The following PRKN variants were observed in gnomAD, a reference collection of about 807,000 sequenced individuals.
PRKN encodes the protein E3 ubiquitin-protein ligase parkin.
PRKN carries 56 observed loss-of-function variants against 59.5 expected under a neutral mutation model. The ratio of observed to expected loss-of-function variants is 0.94; its 90% CI spans 0.76 to 1.18. PRKN has a LOEUF of 1.18. Among genes scored for constraint, PRKN ranks in the 50% most tolerant of loss-of-function variants. The probability of loss-of-function intolerance (pLI) is 0.00; values close to 1 mark genes in which losing one functional copy is unlikely to be tolerated. For missense variants in PRKN, 657 were observed against 596.4 expected, an observed-to-expected ratio of 1.10 and a Z score of -1.06; for synonymous variants, 250 against 222.1, an observed-to-expected ratio of 1.13 and a Z score of -1.12.
chr6:162,504,465 A>G (rs1055084037), intron 1 of PRKN, among the ~76,000 whole-genome samples: 2 of 152,210 alleles, frequency 1.3e-5, no homozygotes, highest in African/African-American at 4.8e-5. Context: ...ACATACTGGC[A>G]TAGGGAACAG....
intron 6 of PRKN, among the ~76,000 whole-genome samples, chr6:161,825,340 C>T (rs1401334764): frequency 1.4e-5 from 2 of 137,956 alleles, no homozygotes; most frequent in East Asian, 4.0e-4. Flanking sequence ...AATACTTTTG[C>T]ATTCTGTTTC....
At chr6:162,616,267 G>C (rs905680467) in intron 1 of PRKN, among the ~76,000 whole-genome samples, 2 of 152,100 alleles carry the variant, frequency 1.3e-5, no homozygotes, top group African/African-American at 4.8e-5. Flanking sequence ...TTGCTTGATA[G>C]TAAGCCCGCT....
At chr6:162,236,021 G>GAAAGAAAGAAAGAAAC (rs1287554689) in intron 3 of PRKN, among the ~76,000 whole-genome samples, 1 of 148,604 alleles carries the variant, frequency 6.7e-6, no homozygotes, top group Non-Finnish European at 1.5e-5. Context: ...AAGAAAGAAA[G>GAAAGAAAGAAAGAAAC]AAACTCCTCA....
rs1318713484 is a variant in PRKN at position 161,785,821 on chromosome 6, A to G, written c.822T>C (p.Asp274=). The G allele has an allele frequency of 6.2e-7, 1 of 1,614,156 alleles. No individual in the cohort carries two copies. Among genetic ancestry groups the G allele is most frequent in the East Asian group, 2.2e-5 (1 of 44,880 alleles). The change falls in exon 7 of 12, where the codon GAT becomes GAC. Residue 274 remains aspartate (D), a synonymous_variant. Transcript: ENST00000366898. ...FHLYCVTRLN[D]RQFVHDPQLG... ...GTTGAGGGTCGTGAACAAACTGCCG[A>G]TCATTGAGTCTTGTCACACAGTATA...
intron 1 of PRKN, among the ~76,000 whole-genome samples, chr6:162,607,544 T>C (rs1381827766): frequency 7.0e-6 from 1 of 142,430 alleles, no homozygotes; most frequent in Non-Finnish European, 1.6e-5. Context: ...TTAAATGAGT[T>C]TTTTTTTTTA....
rs531804068 is a variant in PRKN at position 162,278,237 on chromosome 6, G to A, written c.172-15472C>T. On this transcript the variant is annotated intron_variant, in intron 2 of 11. Coordinates refer to ENST00000366898, the MANE Select transcript of PRKN (RefSeq NM_004562.3). ...TGTATTATACGACATTCGGAAAAAGGCAACACTATAGAGACATTGAAAATA... is the reference window on the plus strand; with the variant it reads ...TGTATTATACGACATTCGGAAAAAGACAACACTATAGAGACATTGAAAATA... 1.4e-4 allele frequency among the ~76,000 whole-genome samples: 21 copies of A among 152,210 alleles called. No individual in the cohort carries two copies. In the South Asian group the frequency reaches 2.5e-3, roughly 18 times the overall value.
At chr6:161,542,350 G>A (rs1250861699) in intron 9 of PRKN, among the ~76,000 whole-genome samples, 1 of 152,194 alleles carries the variant, frequency 6.6e-6, no homozygotes, top group Non-Finnish European at 1.5e-5. Flanking sequence ...ACTCCCCGTA[G>A]CTCATCAAAG....
chr6:162,051,760 G>T (rs1302979531), intron 5 of PRKN, among the ~76,000 whole-genome samples: 1 of 152,130 alleles, frequency 6.6e-6, no homozygotes, highest in East Asian at 1.9e-4. Context: ...CATGATCAAA[G>T]AACGCAGCCT....
chr6:162,011,907 T>TACTCC (rs1554260882), intron 5 of PRKN, among the ~76,000 whole-genome samples: 1 of 6,890 alleles, frequency 1.5e-4, no homozygotes, highest in African/African-American at 9.8e-3. Flanking sequence ...GTGAGAACTT[T>TACTCC]GGAGAAATAA....
At chr6:161,928,653 T>C (rs1282881606) in intron 6 of PRKN, among the ~76,000 whole-genome samples, 1 of 152,180 alleles carries the variant, frequency 6.6e-6, no homozygotes, top group Non-Finnish European at 1.5e-5. Context: ...TAGTATAGTA[T>C]CTTACACATT....
At chr6:162,295,152 C>A (rs1363724093) in intron 2 of PRKN, among the ~76,000 whole-genome samples, 1 of 152,192 alleles carries the variant, frequency 6.6e-6, no homozygotes, top group Non-Finnish European at 1.5e-5. Flanking sequence ...GGTGCTGGGG[C>A]TTGTGCGTGA....
chr6:162,340,538 T>G (rs895161258), intron 2 of PRKN, among the ~76,000 whole-genome samples: 8 of 152,050 alleles, frequency 5.3e-5, no homozygotes, highest in African/African-American at 1.9e-4. Flanking sequence ...TTGTAAAAAA[T>G]CTCCTGGTGT....
intron 4 of PRKN, among the ~76,000 whole-genome samples, chr6:162,059,053 CAA>C (rs1777988778): frequency 6.6e-6 from 1 of 151,278 alleles, no homozygotes; most frequent in Non-Finnish European, 1.5e-5. Context: ...CTTCTTACCT[CAA>C]AGTCTAGAAT....
chr6:161,415,532 G>C (rs181703571), intron 9 of PRKN, among the ~76,000 whole-genome samples: 61 of 148,858 alleles, frequency 4.1e-4, no homozygotes, highest in African/African-American at 1.5e-3. Flanking sequence ...AGGAAACGCA[G>C]AGCCTTCCAG....
At chr6:162,208,757 A>G (rs1785066176) in intron 3 of PRKN, among the ~76,000 whole-genome samples, 1 of 152,194 alleles carries the variant, frequency 6.6e-6, no homozygotes, top group Non-Finnish European at 1.5e-5. Flanking sequence ...AATAAACTCC[A>G]TAATATAAAT....
intron 7 of PRKN, among the ~76,000 whole-genome samples, chr6:161,652,561 G>A (rs1438378159): frequency 6.6e-6 from 1 of 152,136 alleles, no homozygotes; most frequent in Admixed American, 6.5e-5. Flanking sequence ...ACAGTCCAAT[G>A]TGTAGCGATA....
intron 1 of PRKN, among the ~76,000 whole-genome samples, chr6:162,600,525 C>T (rs1042162050): frequency 9.9e-5 from 15 of 152,154 alleles, no homozygotes; most frequent in African/African-American, 1.4e-4. Flanking sequence ...CCCCAAAACG[C>T]TGTTCTGATT....
At chr6:161,496,805 C>T (rs1329215175) in intron 9 of PRKN, among the ~76,000 whole-genome samples, 1 of 152,144 alleles carries the variant, frequency 6.6e-6, no homozygotes, top group African/African-American at 2.4e-5. Context: ...AGAAGGTGGC[C>T]ATGAGATGAT....
intron 6 of PRKN, among the ~76,000 whole-genome samples, chr6:161,928,827 T>G (rs1779062307): frequency 6.6e-6 from 1 of 152,178 alleles, no homozygotes; most frequent in Non-Finnish European, 1.5e-5. Context: ...AGCATCTTTC[T>G]GCCCCTAAGC....
Sources: allele counts gnomAD v4.1 joint callset (sites outside exome capture counted in the v4.1 genomes callset), GRCh38; gene constraint gnomAD v4.1.1; transcripts MANE v1.5; gene names NCBI Gene and HGNC (gene_info 2026-07-23, HGNC 2026-07-21).